BCL2L1: variants seen among roughly 807,000 people sequenced by gnomAD.
BCL2L1 encodes BCL2 like 1, also known as bcl-2-like protein 1.
BCL2L1 carries 1 observed loss-of-function variant against 18.7 expected under a neutral mutation model. That is an observed-to-expected ratio of 0.05 (90% CI 0.02 to 0.25). The LOEUF is 0.25. Among genes scored for constraint, BCL2L1 ranks in the 10% least tolerant of loss-of-function variants. The pLI, the probability that BCL2L1 is intolerant of heterozygous loss-of-function variation, is 1.00. For synonymous variants in BCL2L1, 103 were observed against 122.7 expected (o/e 0.84, Z 1.06); for missense variants, 207 against 304.9 (o/e 0.68, Z 2.39).
chr20:31,690,977 C>CGGGGTGAGACGGGG (rs1814385597), intron 2 of BCL2L1, among the ~76,000 whole-genome samples: 1 of 150,540 alleles, frequency 6.6e-6, no homozygotes, highest in East Asian at 2.0e-4. Flanking sequence ...GGTGAAACCC[C>CGGGGTGAGACGGGG]GTCTCTACTA....
intron 2 of BCL2L1, among the ~76,000 whole-genome samples, chr20:31,696,767 G>A (rs2061177152): frequency 6.6e-6 from 1 of 151,902 alleles, no homozygotes; most frequent in African/African-American, 2.4e-5. Flanking sequence ...TTAAAAATAA[G>A]CTAGTCGGCC....
intron 2 of BCL2L1, among the ~76,000 whole-genome samples, chr20:31,718,384 G>A (rs1352704483): frequency 1.3e-5 from 2 of 152,210 alleles, no homozygotes; most frequent in African/African-American, 2.4e-5. Context: ...GGCCAGGCAC[G>A]GTGGTTCATG....
At chr20:31,687,051 C>G (rs1339097144) in intron 2 of BCL2L1, among the ~76,000 whole-genome samples, 2 of 152,194 alleles carry the variant, frequency 1.3e-5, no homozygotes, top group Non-Finnish European at 2.9e-5. Context: ...AGTCTGGTGG[C>G]TCACACCTGT....
chr20:31,718,190 A>G (rs2122836721), intron 2 of BCL2L1, among the ~76,000 whole-genome samples: 1 of 152,202 alleles, frequency 6.6e-6, no homozygotes, highest in East Asian at 1.9e-4. Flanking sequence ...GAACAGGTTC[A>G]GCATTTCATC....
At chr20:31,713,951 A>C (rs2061488781) in intron 2 of BCL2L1, among the ~76,000 whole-genome samples, 1 of 152,196 alleles carries the variant, frequency 6.6e-6, no homozygotes, top group Non-Finnish European at 1.5e-5. Context: ...CGGAGATGTC[A>C]TCCTTCCTGC....
chr20:31,699,265 C>A (rs1461270019), intron 2 of BCL2L1, among the ~76,000 whole-genome samples: 1 of 152,242 alleles, frequency 6.6e-6, no homozygotes, highest in Non-Finnish European at 1.5e-5. Flanking sequence ...ACCCATACTC[C>A]AGCCTCATTC....
At chr20:31,688,078 T>C (rs988950706) in intron 2 of BCL2L1, among the ~76,000 whole-genome samples, 3 of 152,146 alleles carry the variant, frequency 2.0e-5, no homozygotes, top group Admixed American at 6.6e-5. Context: ...GCCTGGCAAA[T>C]AGTAACAATT....
At chr20:31,667,129 T>C (rs1304875503) in intron 2 of BCL2L1, among the ~76,000 whole-genome samples, 1 of 152,184 alleles carries the variant, frequency 6.6e-6, no homozygotes, top group Non-Finnish European at 1.5e-5. Context: ...AGCCAGAATC[T>C]AAAACTGGCA....
At chr20:31,702,476 C>T (rs950241355) in intron 2 of BCL2L1, among the ~76,000 whole-genome samples, 1 of 151,764 alleles carries the variant, frequency 6.6e-6, no homozygotes, top group Non-Finnish European at 1.5e-5. Context: ...ACTAAAAATA[C>T]AAAAATTAGC....
intron 2 of BCL2L1, chr20:31,721,004 C>A (rs1186060075): frequency 2.0e-6 from 2 of 984,104 alleles, no homozygotes; most frequent in Non-Finnish European, 2.4e-6. Context: ...GAAAGTCGCA[C>A]ACTTTGGGGG....
chr20:31,721,553 A>G, intron 2 of BCL2L1, 102 bp downstream of exon 2: 1 of 1,397,190 alleles, frequency 7.2e-7, no homozygotes, highest in South Asian at 1.4e-5. Context: ...CAACGTCTCC[A>G]ACAATCACCC....
At chr20:31,713,916 C>T (rs888068352) in intron 2 of BCL2L1, among the ~76,000 whole-genome samples, 6 of 152,226 alleles carry the variant, frequency 3.9e-5, no homozygotes, top group African/African-American at 1.4e-4. Flanking sequence ...ATTCATCTTT[C>T]TCACCTGATT....
chr20:31,690,586 T>TG (rs1038260397), intron 2 of BCL2L1, among the ~76,000 whole-genome samples: 10 of 151,544 alleles, frequency 6.6e-5, no homozygotes, highest in African/African-American at 2.4e-4. Flanking sequence ...TTTTTTTTTT[T>TG]TGCAGACAGA....
chr20:31,665,760 G>C lies in BCL2L1; in HGVS notation c.*189C>G, dbSNP rs994947146. On this transcript the variant is annotated 3_prime_UTR_variant, in exon 3 of 3. Transcript: ENST00000307677. ...CTGAGGCCAAGGGAACTGAGGTGTG[G>C]GGGTCTCACAGAAGTGTGATAAATT... 1 of 721,270 alleles carries C rather than the reference G, an allele frequency of 1.4e-6. No homozygotes were observed. The highest frequency in any genetic ancestry group is 2.2e-6 in the Non-Finnish European group (1 of 448,866). 44.7% of individuals were successfully genotyped at this position (721,270 alleles called of 1,614,324 possible).
intron 1 of BCL2L1, 38 bp downstream of exon 1, chr20:31,722,580 T>G: frequency 6.0e-6 from 1 of 167,294 alleles, no homozygotes; most frequent in Non-Finnish European, 1.3e-5. Flanking sequence ...CCCTGGGCAG[T>G]CCCCCCCGCC....
At position 31,719,846 on chromosome 20, in the gene BCL2L1, G is replaced by A. The variant is rs370508871; in HGVS notation, c.564+1809C>T. Among the ~76,000 whole-genome samples the A allele has an allele frequency of 2.6e-5, 4 of 152,254 alleles. No homozygotes were observed. The East Asian group carries it at 7.7e-4, about 29-fold the overall frequency. ...CAACCCACCTGGTATTAGGACCACT[G>A]GCCAAAGACAATAGTCAGGCAAAGT... is the stretch of plus-strand genomic sequence containing the variant. On this transcript the variant is annotated intron_variant, in intron 2 of 2. Transcript: ENST00000307677.
At chr20:31,673,763 A>G (rs576589028) in intron 2 of BCL2L1, among the ~76,000 whole-genome samples, 1 of 152,328 alleles carries the variant, frequency 6.6e-6, no homozygotes, top group East Asian at 1.9e-4. Flanking sequence ...AAAGCAGTCT[A>G]TGCACACTAG....
intron 2 of BCL2L1, among the ~76,000 whole-genome samples, chr20:31,672,799 A>G (rs886241847): frequency 6.6e-6 from 1 of 152,164 alleles, no homozygotes. Flanking sequence ...AGGCTGAAGT[A>G]TAGTCCCTAC....
chr20:31,671,757 C>T (rs1032136055), intron 2 of BCL2L1, among the ~76,000 whole-genome samples: 5 of 151,620 alleles, frequency 3.3e-5, no homozygotes, highest in Non-Finnish European at 7.4e-5. Context: ...CTCCACAGGG[C>T]CACAGCACAT....
Sources: allele counts gnomAD v4.1 joint callset (sites outside exome capture counted in the v4.1 genomes callset), GRCh38; gene constraint gnomAD v4.1.1; transcripts MANE v1.5; gene names NCBI Gene and HGNC (gene_info 2026-07-23, HGNC 2026-07-21).